CCSER1: variants seen among roughly 807,000 people sequenced by gnomAD.
CCSER1 encodes serine-rich coiled-coil domain-containing protein 1.
Under a neutral mutation model 82.0 loss-of-function variants are expected in CCSER1, and 41 were observed. The observed-to-expected ratio is 0.50, with a 90% CI of 0.39 to 0.65. The LOEUF (loss-of-function observed/expected upper bound fraction) is 0.65, where lower values mean the gene tolerates loss of function less well. CCSER1 is among the 30% of genes least tolerant of loss of function. CCSER1 has a pLI of 0.00. For synonymous variants in CCSER1, 414 were observed against 383.9 expected, an observed-to-expected ratio of 1.08 and a Z score of -0.92; for missense variants, 1,119 against 1,064.2, an observed-to-expected ratio of 1.05 and a Z score of -0.72.
chr4:90,201,408 A>G (rs554795293), intron 1 of CCSER1, among the ~76,000 whole-genome samples: 1 of 152,060 alleles, frequency 6.6e-6, no homozygotes, highest in Non-Finnish European at 1.5e-5. Flanking sequence ...TAAAATGCAT[A>G]ATGTAGGCCA....
At position 91,382,197 on chromosome 4, in the gene CCSER1, G is replaced by T. The variant is rs563658505; in HGVS notation, c.2218-216375G>T. On this transcript the variant is annotated intron_variant, in intron 10 of 10. Coordinates refer to ENST00000509176, the MANE Select transcript of CCSER1 (RefSeq NM_001145065.2). The stretch of plus-strand genomic sequence containing the variant: ...GGGTTCCTCCCAGTTAGGCCATGCT[G>T]GGAGAACCACTACTCTCTTCACAGC... Among the ~76,000 whole-genome samples, 26 of 152,304 alleles carry T rather than the reference G, an allele frequency of 1.7e-4. No individual in the cohort carries two copies. In the East Asian group the frequency reaches 5.0e-3, roughly 29 times the overall value.
intron 10 of CCSER1, among the ~76,000 whole-genome samples, chr4:91,232,606 G>A (rs911441289): frequency 8.6e-5 from 13 of 151,344 alleles, no homozygotes; most frequent in African/African-American, 3.1e-4. Context: ...TATTTTTCAT[G>A]GTATGTAAAT....
At chr4:90,629,521 G>C (rs1723960418) in intron 6 of CCSER1, among the ~76,000 whole-genome samples, 1 of 152,186 alleles carries the variant, frequency 6.6e-6, no homozygotes, top group Non-Finnish European at 1.5e-5. Context: ...CATGAGAACT[G>C]TATGTGGGGA....
At chr4:90,605,497 T>C (rs766321955) in intron 5 of CCSER1, among the ~76,000 whole-genome samples, 8 of 152,212 alleles carry the variant, frequency 5.3e-5, no homozygotes, top group Non-Finnish European at 2.9e-5. Flanking sequence ...AACAAAAATA[T>C]AGACTAGAAT....
intron 9 of CCSER1, among the ~76,000 whole-genome samples, chr4:91,003,685 C>A (rs1255022732): frequency 6.6e-6 from 1 of 152,122 alleles, no homozygotes; most frequent in Non-Finnish European, 1.5e-5. Flanking sequence ...TCTTCCCCGG[C>A]CTGTGGAGTC....
intron 10 of CCSER1, among the ~76,000 whole-genome samples, chr4:91,203,368 A>G (rs1473815722): frequency 1.3e-5 from 2 of 151,922 alleles, no homozygotes; most frequent in African/African-American, 4.8e-5. Context: ...AACAAATTTA[A>G]AAGTTTATTG....
intron 5 of CCSER1, among the ~76,000 whole-genome samples, chr4:90,529,699 C>A (rs1474151872): frequency 2.0e-5 from 3 of 152,092 alleles, no homozygotes. Context: ...TGTTTATCAA[C>A]ATTTAACGAA....
At chr4:90,481,689 T>C (rs969831684) in intron 5 of CCSER1, among the ~76,000 whole-genome samples, 40 of 152,356 alleles carry the variant, frequency 2.6e-4, no homozygotes, top group African/African-American at 8.9e-4. Context: ...TTTTCGTATG[T>C]TGAAGCAGCC....
rs375620601 is a variant in CCSER1 at position 91,187,054 on chromosome 4, C to G, written c.2217+101060C>G. 1.1e-4 allele frequency among the ~76,000 whole-genome samples: 16 copies of G among 152,352 alleles called. 1 individual carries two copies. In the East Asian group the frequency reaches 2.3e-3, roughly 22 times the overall value. On this transcript the variant is annotated intron_variant, in intron 10 of 10. Coordinates refer to ENST00000509176, the MANE Select transcript of CCSER1 (RefSeq NM_001145065.2). ...AGTGTCCTGATTTTCCAGGTAGCATCTGTCACAGCTTCCCTTGGCTAGGAA... is the reference window on the plus strand; with the variant it reads ...AGTGTCCTGATTTTCCAGGTAGCATGTGTCACAGCTTCCCTTGGCTAGGAA...
At chr4:91,450,357 GTACT>G (rs1755805135) in intron 10 of CCSER1, among the ~76,000 whole-genome samples, 1 of 152,022 alleles carries the variant, frequency 6.6e-6, no homozygotes. Flanking sequence ...ACCTCAGGAA[GTACT>G]TACCTTTATC....
intron 10 of CCSER1, among the ~76,000 whole-genome samples, chr4:91,360,494 A>C (rs1412233363): frequency 6.6e-6 from 1 of 151,850 alleles, no homozygotes; most frequent in Non-Finnish European, 1.5e-5. Context: ...ATTCATGTTT[A>C]ATGATTGTAG....
chr4:90,398,233 A>G (rs1039843296), intron 3 of CCSER1, among the ~76,000 whole-genome samples: 2 of 152,168 alleles, frequency 1.3e-5, no homozygotes, highest in Non-Finnish European at 2.9e-5. Flanking sequence ...GCCCATCCAT[A>G]TGAGCTTGTT....
intron 10 of CCSER1, among the ~76,000 whole-genome samples, chr4:91,423,785 A>C (rs1379486481): frequency 6.6e-6 from 1 of 152,026 alleles, no homozygotes; most frequent in Non-Finnish European, 1.5e-5. Context: ...AACAAAAGAT[A>C]ATATATACAA....
intron 10 of CCSER1, among the ~76,000 whole-genome samples, chr4:91,555,625 TAAC>T (rs1454496029): frequency 6.7e-6 from 1 of 150,360 alleles, no homozygotes; most frequent in African/African-American, 2.4e-5. Flanking sequence ...AAAACAAATC[TAAC>T]AAAAGAATGA....
At chr4:91,530,216 T>G (rs1277530052) in intron 10 of CCSER1, among the ~76,000 whole-genome samples, 1 of 152,118 alleles carries the variant, frequency 6.6e-6, no homozygotes, top group Non-Finnish European at 1.5e-5. Context: ...ATATATTCAA[T>G]AATATAAAAA....
chr4:90,635,752 A>T (rs1432144332), intron 6 of CCSER1, among the ~76,000 whole-genome samples: 1 of 151,872 alleles, frequency 6.6e-6, no homozygotes, highest in Non-Finnish European at 1.5e-5. Flanking sequence ...TTATATTTCA[A>T]AATAGCTAGA....
Position 90,552,170 on chromosome 4 carries a change from A to G in CCSER1, c.1725-75855A>G, listed in dbSNP as rs546628868. On this transcript the variant is annotated intron_variant, in intron 5 of 10. Transcript: ENST00000509176. Reference sequence around the variant, plus strand: ...TATTAATACTATCACATTGGCCATTAAGTTTCAACACCTGAATTTTGTAGG... The same window carrying G: ...TATTAATACTATCACATTGGCCATTGAGTTTCAACACCTGAATTTTGTAGG... Among the ~76,000 whole-genome samples, 16 of 152,276 alleles carry G rather than the reference A, an allele frequency of 1.1e-4. No homozygotes were observed. In the South Asian group the frequency reaches 2.3e-3, roughly 22 times the overall value.
chr4:90,146,805 G>A (rs575085016), intron 1 of CCSER1, among the ~76,000 whole-genome samples: 102 of 152,044 alleles, frequency 6.7e-4, no homozygotes, highest in Admixed American at 1.4e-3. Context: ...TACTTTGACC[G>A]GGCTGTTATG....
intron 3 of CCSER1, among the ~76,000 whole-genome samples, chr4:90,367,987 T>TAAA (rs1746571394): frequency 6.6e-6 from 1 of 151,976 alleles, no homozygotes; most frequent in Non-Finnish European, 1.5e-5. Context: ...ATGCAAAATG[T>TAAA]TTAACAGGCC....
Sources: allele counts gnomAD v4.1 joint callset (sites outside exome capture counted in the v4.1 genomes callset), GRCh38; gene constraint gnomAD v4.1.1; transcripts MANE v1.5; gene names NCBI Gene and HGNC (gene_info 2026-07-23, HGNC 2026-07-21).